Variants in LIFR observed in about 807,000 individuals in gnomAD.
LIFR encodes the protein LIF receptor subunit alpha, also known as leukemia inhibitory factor receptor.
Under a neutral mutation model 122.2 loss-of-function variants are expected in LIFR, and 84 were observed. That is an observed-to-expected ratio of 0.69 (90% CI 0.58 to 0.82). LIFR has a LOEUF of 0.82. Ranked by LOEUF, LIFR falls within the 40% of genes least tolerant of loss-of-function variation. The probability of loss-of-function intolerance (pLI) is 0.00; values close to 1 mark genes in which losing one functional copy is unlikely to be tolerated. For missense variants in LIFR, 1,294 were observed against 1,311.6 expected, an observed-to-expected ratio of 0.99 and a Z score of 0.21; for synonymous variants, 422 against 434.7, an observed-to-expected ratio of 0.97 and a Z score of 0.36.
At chr5:38,482,506 A>G (rs1744049859) in intron 19 of LIFR, 83 bp downstream of exon 19, 1 of 769,924 alleles carries the variant, frequency 1.3e-6, no homozygotes, top group Admixed American at 2.5e-5. Flanking sequence ...TTAAAATGAC[A>G]TTTGCATGTT....
chr5:38,573,331 G>A (rs73749291), intron 1 of LIFR, among the ~76,000 whole-genome samples: 6,773 of 152,198 alleles, frequency 0.045, 502 homozygotes, highest in African/African-American at 0.15. Context: ...TGTGCCTTTC[G>A]ATGTCTACTT....
At chr5:38,570,161 A>G (rs554710717) in intron 1 of LIFR, among the ~76,000 whole-genome samples, 2 of 151,524 alleles carry the variant, frequency 1.3e-5, no homozygotes, top group Admixed American at 1.3e-4. Flanking sequence ...AATGAAGATA[A>G]TAATCCCACC....
chr5:38,552,983 A>G (rs1473093560), intron 1 of LIFR, among the ~76,000 whole-genome samples: 2 of 152,196 alleles, frequency 1.3e-5, no homozygotes, highest in Non-Finnish European at 2.9e-5. Flanking sequence ...TCCAGCCTAT[A>G]GAGGAACTCC....
Position 38,506,624 on chromosome 5 carries a change from C to T in LIFR, c.1000G>A (p.Asp334Asn), listed in dbSNP as rs1745501151. Residue 334 changes from aspartate (D) to asparagine (N), a missense_variant, in exon 8 of 20, where the codon GAT becomes AAT. Coordinates refer to ENST00000453190, the MANE Select transcript of LIFR (RefSeq NM_001127671.2). ...GTVIFAGYPP[D>N]TPQQLNCETH... ...TCACAATTCAGTTGTTGAGGAGTAT[C>T]TGGTGGATCTAACAGAAAAAAAATG... 1 of 1,612,472 alleles carries T rather than the reference C, an allele frequency of 6.2e-7. No homozygotes were observed. Among genetic ancestry groups the T allele is most frequent in the African/African-American group, 1.3e-5 (1 of 74,856 alleles).
intron 15 of LIFR, 97 bp from the exon 16 acceptor site, chr5:38,489,342 C>A: frequency 2.0e-6 from 2 of 981,276 alleles, no homozygotes; most frequent in South Asian, 2.8e-5. Flanking sequence ...AATAATTCAA[C>A]TTGGAATTAA....
At chr5:38,605,552 C>G (rs1303299347) in intron 2 of LIFR, among the ~76,000 whole-genome samples, 1 of 151,958 alleles carries the variant, frequency 6.6e-6, no homozygotes, top group Non-Finnish European at 1.5e-5. Context: ...ATTTTGGGAC[C>G]CCCAAATCAC....
chr5:38,494,822 A>T (rs1208386003), intron 13 of LIFR, among the ~76,000 whole-genome samples: 1 of 152,146 alleles, frequency 6.6e-6, no homozygotes, highest in Non-Finnish European at 1.5e-5. Flanking sequence ...GAGAGTACTT[A>T]ATCACCCACA....
At position 38,484,810 on chromosome 5, in the gene LIFR, C is replaced by G; in HGVS notation, c.2556G>C (p.Val852=). 1 of 1,613,582 alleles carries G rather than the reference C, an allele frequency of 6.2e-7. No individual in the cohort carries two copies. Among genetic ancestry groups the G allele is most frequent in the South Asian group, 1.1e-5 (1 of 91,040 alleles). The change falls in exon 18 of 20, where the codon GTG becomes GTC. Residue 852 remains valine (V), a synonymous_variant. Transcript: ENST00000453190. ...IPVAVAVIVG[V]VTSILCYRKR... ...TCCGATAGCAAAGGATACTTGTCACCACTCCAACAATGACAGCCACTGCCA... is the reference window on the plus strand; with the variant it reads ...TCCGATAGCAAAGGATACTTGTCACGACTCCAACAATGACAGCCACTGCCA...
At position 38,476,020 on chromosome 5, in the gene LIFR, A is replaced by G. The variant is rs1263297168; in HGVS notation, c.*5575T>C. On this transcript the variant is annotated 3_prime_UTR_variant, in exon 20 of 20. Coordinates refer to ENST00000453190, the MANE Select transcript of LIFR (RefSeq NM_001127671.2). Reference sequence around the variant, plus strand: ...AATCACATAACACCTACCCCTCCACAACAATGAAAGGTTTCTTTTTCGTGT... The same window carrying G: ...AATCACATAACACCTACCCCTCCACGACAATGAAAGGTTTCTTTTTCGTGT... The G allele has an allele frequency of 5.0e-6, 1 of 199,116 alleles. No individual in the cohort carries two copies. Among genetic ancestry groups the G allele is most frequent in the Admixed American group, 6.0e-5 (1 of 16,588 alleles). 12.3% of individuals were successfully genotyped at this position (199,116 alleles called of 1,614,324 possible).
At chr5:38,564,787 T>C (rs1748963288) in intron 1 of LIFR, among the ~76,000 whole-genome samples, 2 of 150,952 alleles carry the variant, frequency 1.3e-5, no homozygotes, top group Admixed American at 1.3e-4. Context: ...CATATATTTT[T>C]TTTTTGAGTC....
chr5:38,501,853 C>G (rs956503333), intron 11 of LIFR, among the ~76,000 whole-genome samples: 2 of 151,230 alleles, frequency 1.3e-5, no homozygotes, highest in Admixed American at 1.3e-4. Context: ...ATTTAGAAAA[C>G]CAGTTACCTG....
chr5:38,492,998 C>G (rs575997122), intron 14 of LIFR, among the ~76,000 whole-genome samples: 1 of 152,182 alleles, frequency 6.6e-6, no homozygotes, highest in Non-Finnish European at 1.5e-5. Context: ...GGACACTCAC[C>G]GGCAGCTCAC....
intron 2 of LIFR, among the ~76,000 whole-genome samples, chr5:38,605,972 G>A (rs1166620230): frequency 6.6e-6 from 1 of 152,188 alleles, no homozygotes; most frequent in African/African-American, 2.4e-5. Context: ...TCCTGAGGAA[G>A]TGTCATGGGT....
intron 5 of LIFR, among the ~76,000 whole-genome samples, chr5:38,516,103 CA>C (rs1472636582): frequency 6.6e-6 from 1 of 152,038 alleles, no homozygotes; most frequent in Non-Finnish European, 1.5e-5. Flanking sequence ...ATTATTTTCC[CA>C]AATTTTTTCC....
At chr5:38,529,275 A>G (rs1026657632) in intron 2 of LIFR, among the ~76,000 whole-genome samples, 1 of 152,138 alleles carries the variant, frequency 6.6e-6, no homozygotes, top group African/African-American at 2.4e-5. Context: ...GGAAAAAACA[A>G]AAAACAAAAA....
At chr5:38,524,820 G>A (rs1746591280) in intron 4 of LIFR, among the ~76,000 whole-genome samples, 2 of 152,180 alleles carry the variant, frequency 1.3e-5, no homozygotes, top group East Asian at 3.9e-4. Flanking sequence ...TCTTCAAGGA[G>A]CCAAAAACAC....
At position 38,528,845 on chromosome 5, in the gene LIFR, AGG is replaced by A. The variant is rs1746837944; in HGVS notation, c.143-7_143-6del. The A allele has an allele frequency of 2.9e-6, 4 of 1,362,570 alleles. No homozygotes were observed. In the South Asian group the frequency reaches 3.8e-5, roughly 13 times the overall value. 84.4% of individuals were successfully genotyped at this position (1,362,570 alleles called of 1,614,324 possible). A position where few individuals can be genotyped will look rare whatever the true frequency, so the allele number is the denominator to read the frequency against. ...ACTTCAAATCATGAGGAGCCCCTGG[AGG>A]AGACACACACACACACACACACACA... On this transcript the variant is annotated splice_region_variant and splice_polypyrimidine_tract_variant and intron_variant, in intron 2 of 19. Transcript: ENST00000453190.
chr5:38,575,734 T>C (rs1466015825), intron 1 of LIFR, among the ~76,000 whole-genome samples: 2 of 152,154 alleles, frequency 1.3e-5, no homozygotes, highest in African/African-American at 4.8e-5. Flanking sequence ...TTCCCACCTC[T>C]CATATCTCTT....
chr5:38,537,128 A>G (rs571159769), intron 1 of LIFR, among the ~76,000 whole-genome samples: 229 of 152,278 alleles, frequency 1.5e-3, no homozygotes, highest in African/African-American at 5.1e-3. Flanking sequence ...GCATGTCAAA[A>G]CAAGTTTGAA....
Sources: gnomAD v4.1 joint callset for allele counts (sites outside exome capture counted in the v4.1 genomes callset) on GRCh38, gnomAD v4.1.1 for gene constraint, MANE v1.5 for transcripts, NCBI Gene and HGNC (gene_info 2026-07-23, HGNC 2026-07-21) for gene names.